THAP4: variants seen among roughly 807,000 people sequenced by gnomAD.
THAP4 encodes the protein peroxynitrite isomerase THAP4.
THAP4 carries 18 observed loss-of-function variants against 48.1 expected under a neutral mutation model. That is an observed-to-expected ratio of 0.37 (90% CI 0.26 to 0.56). The LOEUF (loss-of-function observed/expected upper bound fraction) is 0.56. THAP4 is among the 20% of genes least tolerant of loss of function. The probability of loss-of-function intolerance (pLI) is 0.78; values close to 1 mark genes in which losing one functional copy is unlikely to be tolerated. For missense variants in THAP4, 656 were observed against 774.9 expected (o/e 0.85, Z 1.82); for synonymous variants, 345 against 324.9 (o/e 1.06, Z -0.66).
intron 2 of THAP4, among the ~76,000 whole-genome samples, chr2:241,629,923 G>C (rs926470889): frequency 6.6e-6 from 1 of 151,976 alleles, no homozygotes; most frequent in Non-Finnish European, 1.5e-5. Flanking sequence ...AAGTAAGCAA[G>C]TGCCCAGCTT....
At chr2:241,607,629 G>A (rs1254575557) in intron 2 of THAP4, among the ~76,000 whole-genome samples, 1 of 151,048 alleles carries the variant, frequency 6.6e-6, no homozygotes, top group Non-Finnish European at 1.5e-5. Context: ...GCCCAAAGAT[G>A]CCCAAGCACA....
rs2067254661 is a variant in THAP4, at chr2:241,610,440, G to A, written c.1241-3967C>T. Among the ~76,000 whole-genome samples, 1 of 152,206 alleles carries A rather than the reference G, an allele frequency of 6.6e-6. No homozygotes were observed. The highest frequency in any genetic ancestry group is 2.1e-4 in the South Asian group (1 of 4,836). On this transcript the variant is annotated intron_variant, in intron 2 of 5. Transcript: ENST00000407315. This position sits in a 1 kb window ranked among gnomAD's most constrained non-coding sequence, Gnocchi z 4.2. ...GGGCGGAGGCTGGGCGGCGCTGGGC[G>A]GTGGGGCGCGCTCACTGGCTGCCAC...
chr2:241,635,718 G>A (rs1200147736), intron 1 of THAP4, among the ~76,000 whole-genome samples: 2 of 151,432 alleles, frequency 1.3e-5, no homozygotes, highest in African/African-American at 2.4e-5. Context: ...GCAGTGAGCC[G>A]AGATCGCACC....
Position 241,601,679 on chromosome 2 carries a change from CA to C in THAP4, c.1614+216del, listed in dbSNP as rs1000406964. On this transcript the variant is annotated intron_variant, in intron 5 of 5. Transcript: ENST00000407315. The surrounding 1 kb of genome is among the most constrained non-coding windows in gnomAD (Gnocchi z 4.0). ...GATGTTTGTGACAAACAACAAACCT[CA>C]AAAAAACCACACCACTGACCAGCCG... The C allele has an allele frequency of 4.8e-5, 38 of 788,734 alleles. No individual in the cohort carries two copies. In the African/African-American group the frequency reaches 5.0e-4, roughly 10 times the overall value. 48.9% of individuals were successfully genotyped at this position (788,734 alleles called of 1,614,324 possible).
chr2:241,620,042 G>T (rs2067402477), intron 2 of THAP4, among the ~76,000 whole-genome samples: 1 of 94,358 alleles, frequency 1.1e-5, no homozygotes. Context: ...GGTGAGTGAG[G>T]AGTGAGTGAG....
rs1277720826 is a variant in THAP4 at position 241,612,647 on chromosome 2, T to C, written c.1241-6174A>G. The stretch of plus-strand genomic sequence containing the variant: ...AAATGGCCCTTGACAACACACCATA[T>C]GAAAGCAATCAGGCTCAAAAGAGCA... On this transcript the variant is annotated intron_variant, in intron 2 of 5. Coordinates refer to ENST00000407315, the MANE Select transcript of THAP4 (RefSeq NM_015963.6). The surrounding 1 kb of genome is among the most constrained non-coding windows in gnomAD (Gnocchi z 4.1). Among the ~76,000 whole-genome samples, 1 of 152,256 alleles carries C rather than the reference T, an allele frequency of 6.6e-6. No individual in the cohort carries two copies. The highest frequency in any genetic ancestry group is 1.5e-5 in the Non-Finnish European group (1 of 68,040).
chr2:241,636,922 C>G lies in THAP4; in HGVS notation c.77+19G>C. ...GGGCCGGGTCGGGGCGGGGGCGTGGCGGCCCGGGGCCCGCGTACCTGTGGA... is the reference window on the plus strand; with the variant it reads ...GGGCCGGGTCGGGGCGGGGGCGTGGGGGCCCGGGGCCCGCGTACCTGTGGA... On this transcript the variant is annotated intron_variant, in intron 1 of 5. Transcript: ENST00000407315. 1 of 1,223,370 alleles carries G rather than the reference C, an allele frequency of 8.2e-7. No individual in the cohort carries two copies. Among genetic ancestry groups the G allele is most frequent in the Non-Finnish European group, 1.0e-6 (1 of 957,190 alleles). 75.8% of individuals were successfully genotyped at this position (1,223,370 alleles called of 1,614,324 possible). A position where few individuals can be genotyped will look rare whatever the true frequency, so the allele number is the denominator to read the frequency against.
chr2:241,589,969 A>G (rs2066937696), intron 5 of THAP4, among the ~76,000 whole-genome samples: 1 of 152,074 alleles, frequency 6.6e-6, no homozygotes, highest in South Asian at 2.1e-4. Flanking sequence ...GGGCACTAGG[A>G]CACTCAGAGC....
intron 2 of THAP4, among the ~76,000 whole-genome samples, chr2:241,611,959 G>A (rs75334585): frequency 0.15 from 22,364 of 152,028 alleles, 1,860 homozygotes; most frequent in South Asian, 0.37. Flanking sequence ...CTGGAGTGCA[G>A]TGGCATGAAT....
At chr2:241,621,209 G>A (rs570356656) in intron 2 of THAP4, among the ~76,000 whole-genome samples, 15 of 152,172 alleles carry the variant, frequency 9.9e-5, no homozygotes, top group South Asian at 2.1e-4. Context: ...TTAGCTGGGC[G>A]TGGTGGCGGG....
intron 5 of THAP4, among the ~76,000 whole-genome samples, chr2:241,592,853 A>T (rs776109216): frequency 6.6e-6 from 1 of 152,246 alleles, no homozygotes; most frequent in Admixed American, 6.5e-5. Context: ...ACAGTGCCTA[A>T]CAAGGGCCAC....
rs1379335480 is a variant in THAP4, at chr2:241,610,861, C to G, written c.1241-4388G>C. Among the ~76,000 whole-genome samples the G allele has an allele frequency of 6.6e-6, 1 of 151,784 alleles. No individual in the cohort carries two copies. The highest frequency in any genetic ancestry group is 1.9e-4 in the East Asian group (1 of 5,156). On this transcript the variant is annotated intron_variant, in intron 2 of 5. Coordinates refer to ENST00000407315, the MANE Select transcript of THAP4 (RefSeq NM_015963.6). The surrounding 1 kb of genome is among the most constrained non-coding windows in gnomAD (Gnocchi z 4.2). ...AGACAGAGAGACAGGGCCAGAGAGA[C>G]ACGGGGATGGGGCCAGAGACGGGGC...
chr2:241,590,685 T>C (rs553157127), intron 5 of THAP4, among the ~76,000 whole-genome samples: 3 of 151,612 alleles, frequency 2.0e-5, no homozygotes, highest in African/African-American at 7.3e-5. Context: ...GCTGCTCGGC[T>C]GATGATGATG....
intron 1 of THAP4, 117 bp from the exon 2 acceptor site, chr2:241,634,196 C>T (rs2067608195): frequency 5.7e-6 from 4 of 704,296 alleles, no homozygotes; most frequent in Non-Finnish European, 9.1e-6. Context: ...TTGACTTCAT[C>T]CACTTAAAAA....
rs548957706 is a variant in THAP4 at position 241,629,890 on chromosome 2, C to T, written c.1240+3027G>A. ...GAGAGCCTGACAAGAAGCTAGGGAA[C>T]GCTCTGGTCCGCTGACTAACACAAG... On this transcript the variant is annotated intron_variant, in intron 2 of 5. Transcript: ENST00000407315. Among the ~76,000 whole-genome samples, 6 of 151,962 alleles carry T rather than the reference C, an allele frequency of 3.9e-5. No homozygotes were observed. The East Asian group carries it at 7.8e-4, about 20-fold the overall frequency.
intron 5 of THAP4, among the ~76,000 whole-genome samples, chr2:241,585,906 CCTT>C (rs1256302175): frequency 2.0e-4 from 20 of 102,286 alleles, no homozygotes; most frequent in Non-Finnish European, 3.4e-4. Context: ...GAGCAAGACT[CCTT>C]CTCAAAAAAA....
chr2:241,590,766 T>C (rs71217045), intron 5 of THAP4, among the ~76,000 whole-genome samples: 32 of 136,590 alleles, frequency 2.3e-4, no homozygotes, highest in African/African-American at 5.5e-4. Context: ...GCCCGGCTGA[T>C]GATGAGGGGC....
chr2:241,611,163 T>TGG (rs550358352), intron 2 of THAP4, among the ~76,000 whole-genome samples: 4 of 151,952 alleles, frequency 2.6e-5, no homozygotes, highest in Admixed American at 2.0e-4. Flanking sequence ...CTCTGGGAGC[T>TGG]GGGGGGGTGG....
chr2:241,607,217 C>G (rs1466012919), intron 2 of THAP4, among the ~76,000 whole-genome samples: 1 of 152,062 alleles, frequency 6.6e-6, no homozygotes, highest in Non-Finnish European at 1.5e-5. Flanking sequence ...GGTGGGGGTG[C>G]AGTGACAGGA....
Sources: gnomAD v4.1 joint callset for allele counts (sites outside exome capture counted in the v4.1 genomes callset) on GRCh38, gnomAD v4.1.1 for gene constraint, Gnocchi (gnomAD v3.1) non-coding constraint, MANE v1.5 for transcripts, NCBI Gene and HGNC (gene_info 2026-07-23, HGNC 2026-07-21) for gene names.